Variants in AGTPBP1 observed in about 807,000 individuals in gnomAD.
The protein encoded by AGTPBP1 is ATP/GTP binding carboxypeptidase 1.
In AGTPBP1, 70 loss-of-function variants were observed where a neutral mutation model predicts 143.9. The ratio of observed to expected loss-of-function variants is 0.49; its 90% CI spans 0.40 to 0.59. The LOEUF (loss-of-function observed/expected upper bound fraction) is 0.59. AGTPBP1 is among the 20% of genes least tolerant of loss of function. The pLI is 0.00. For synonymous variants in AGTPBP1, 463 were observed against 500.2 expected, an observed-to-expected ratio of 0.93 and a Z score of 0.99; for missense variants, 1,229 against 1,464.5, an observed-to-expected ratio of 0.84 and a Z score of 2.62.
chr9:85,792,902 G>T, the AGTPBP1 span, among the ~76,000 whole-genome samples: 2 of 152,068 alleles, frequency 1.3e-5, no homozygotes, highest in Non-Finnish European at 2.9e-5. Context: ...ACACATGGTT[G>T]TTTATTTTAT....
the AGTPBP1 span, among the ~76,000 whole-genome samples, chr9:85,764,286 T>TG: frequency 6.6e-6 from 1 of 152,020 alleles, no homozygotes; most frequent in Non-Finnish European, 1.5e-5. Context: ...CTCAGAACTT[T>TG]GGGGGGCTGA....
intron 1 of AGTPBP1, among the ~76,000 whole-genome samples, chr9:85,719,099 G>A (rs1432263432): frequency 6.6e-6 from 1 of 152,170 alleles, no homozygotes; most frequent in Admixed American, 6.5e-5. Flanking sequence ...AAGTCAGGTA[G>A]TGTGATGCCT....
chr9:85,690,453 G>A lies in AGTPBP1; in HGVS notation c.157+2236C>T, dbSNP rs145284764. Among the ~76,000 whole-genome samples the A allele has an allele frequency of 5.3e-5, 8 of 152,284 alleles. No homozygotes were observed. The East Asian group carries it at 1.5e-3, about 29-fold the overall frequency. On this transcript the variant is annotated intron_variant, in intron 3 of 25. Transcript: ENST00000357081. ...GTGGGAAGAGGGTCATTCTCTGATA[G>A]TGGTATGGTCAGGAGTATTTTCAGT...
chr9:85,733,625 A>AT (rs1275595652), intron 1 of AGTPBP1, among the ~76,000 whole-genome samples: 8 of 152,184 alleles, frequency 5.3e-5, no homozygotes, highest in Non-Finnish European at 8.8e-5. Context: ...AGGAGAAATA[A>AT]TTAAAATAGA....
chr9:85,749,881 AT>A, the AGTPBP1 span, among the ~76,000 whole-genome samples: 1 of 89,098 alleles, frequency 1.1e-5, no homozygotes, highest in Non-Finnish European at 2.1e-5. Context: ...GTACTCCTGT[AT>A]CCCTTTTTTT....
chr9:85,698,577 G>GA (rs1169546310), intron 2 of AGTPBP1, among the ~76,000 whole-genome samples: 2 of 132,346 alleles, frequency 1.5e-5, no homozygotes, highest in African/African-American at 2.8e-5. Flanking sequence ...GCAAATGAAA[G>GA]AAAAAAAGCT....
intron 25 of AGTPBP1, among the ~76,000 whole-genome samples, chr9:85,555,275 G>A (rs1826263881): frequency 6.6e-6 from 1 of 152,148 alleles, no homozygotes; most frequent in African/African-American, 2.4e-5. Flanking sequence ...AAAGCATCCA[G>A]ACAAGACTCA....
At chr9:85,754,284 C>T in the AGTPBP1 span, among the ~76,000 whole-genome samples, 3 of 151,568 alleles carry the variant, frequency 2.0e-5, no homozygotes, top group South Asian at 6.2e-4. Context: ...CTCCGCCTCC[C>T]GGGTTCACAC....
chr9:85,604,594 T>A (rs1829878288), intron 17 of AGTPBP1, among the ~76,000 whole-genome samples: 1 of 152,050 alleles, frequency 6.6e-6, no homozygotes, highest in Admixed American at 6.5e-5. Flanking sequence ...TCCACAAGCA[T>A]CAAGACCATC....
At chr9:85,570,228 C>T (rs62566881) in intron 25 of AGTPBP1, among the ~76,000 whole-genome samples, 2,481 of 152,242 alleles carry the variant, frequency 0.016, 31 homozygotes, top group Middle Eastern at 0.054. Flanking sequence ...TGGCAGGAGA[C>T]GTCACCAGAC....
rs377291444 is a variant in AGTPBP1 at position 85,601,310 on chromosome 9, C to T, written c.2336-4861G>A. ...GGGAGCCTAGGGATCACCCAGCCGTCCTCATTATAGCCAGAGCCCCTGTAA... is the reference window on the plus strand; with the variant it reads ...GGGAGCCTAGGGATCACCCAGCCGTTCTCATTATAGCCAGAGCCCCTGTAA... On this transcript the variant is annotated intron_variant, in intron 17 of 25. Coordinates refer to ENST00000357081, the MANE Select transcript of AGTPBP1 (RefSeq NM_001330701.2). Among the ~76,000 whole-genome samples, 45 of 152,272 alleles carry T rather than the reference C, an allele frequency of 3.0e-4. 1 individual carries two copies. Among genetic ancestry groups the T allele is most frequent in the African/African-American group, 1.1e-3 (44 of 41,548 alleles).
the AGTPBP1 span, among the ~76,000 whole-genome samples, chr9:85,799,283 A>G: frequency 6.6e-6 from 1 of 152,186 alleles, no homozygotes; most frequent in African/African-American, 2.4e-5. Flanking sequence ...TAGTGCCGCA[A>G]TAAACATACG....
At chr9:85,777,432 C>T in the AGTPBP1 span, among the ~76,000 whole-genome samples, 8 of 152,196 alleles carry the variant, frequency 5.3e-5, no homozygotes, top group Admixed American at 5.2e-4. Context: ...AAATTGGGCA[C>T]TCAGCAGTGG....
At chr9:85,694,333 T>C (rs1378417055) in intron 2 of AGTPBP1, among the ~76,000 whole-genome samples, 1 of 152,140 alleles carries the variant, frequency 6.6e-6, no homozygotes. Context: ...AATCGACTTG[T>C]AGGCACACAA....
chr9:85,594,044 CAG>C (rs1343021273), intron 18 of AGTPBP1, among the ~76,000 whole-genome samples: 4 of 152,118 alleles, frequency 2.6e-5, no homozygotes, highest in African/African-American at 9.7e-5. Flanking sequence ...TACCCAATGA[CAG>C]AGTGCTAAGG....
intron 7 of AGTPBP1, among the ~76,000 whole-genome samples, chr9:85,670,673 G>A (rs1192812613): frequency 6.6e-6 from 1 of 152,162 alleles, no homozygotes; most frequent in Non-Finnish European, 1.5e-5. Flanking sequence ...AAGCCAGCCT[G>A]AGATGTATAG....
chr9:85,689,452 G>A (rs1026419462), intron 3 of AGTPBP1, among the ~76,000 whole-genome samples: 1 of 152,000 alleles, frequency 6.6e-6, no homozygotes, highest in Non-Finnish European at 1.5e-5. Flanking sequence ...GCATAATATG[G>A]CTATAAATTT....
intron 6 of AGTPBP1, among the ~76,000 whole-genome samples, chr9:85,675,018 T>C (rs563180089): frequency 6.6e-6 from 1 of 152,214 alleles, no homozygotes; most frequent in East Asian, 1.9e-4. Flanking sequence ...TGCCTCAGCC[T>C]CCTGAGTAGC....
chr9:85,557,629 T>C (rs549620076), intron 25 of AGTPBP1, among the ~76,000 whole-genome samples: 2 of 152,304 alleles, frequency 1.3e-5, no homozygotes, highest in Non-Finnish European at 2.9e-5. Flanking sequence ...AAATGGTAAA[T>C]TATACATTAA....
Sources: allele counts gnomAD v4.1 joint callset (sites outside exome capture counted in the v4.1 genomes callset), GRCh38; gene constraint gnomAD v4.1.1; transcripts MANE v1.5; gene names NCBI Gene and HGNC (gene_info 2026-07-23, HGNC 2026-07-21).